Variants in ZBTB7A observed in about 807,000 individuals in gnomAD.
The protein encoded by ZBTB7A is zinc finger and BTB domain containing 7A.
ZBTB7A carries 7 observed loss-of-function variants against 26.7 expected under a neutral mutation model. That is an observed-to-expected ratio of 0.26 (90% CI 0.15 to 0.49). ZBTB7A has a LOEUF of 0.49. ZBTB7A is among the 20% of genes least tolerant of loss of function. The pLI is 0.98. For missense variants in ZBTB7A, 617 were observed against 919.5 expected, an observed-to-expected ratio of 0.67 and a Z score of 4.25; for synonymous variants, 452 against 441.0, an observed-to-expected ratio of 1.02 and a Z score of -0.31.
Position 4,048,419 on chromosome 19 carries a change from G to T in ZBTB7A, c.1263-175C>A, listed in dbSNP as rs1339994274. ...GGTCCCTCGAAAAACGAGACGAGTG[G>T]GGGCGATTTCGCATTCTGAACATCT... On this transcript the variant is annotated intron_variant, in intron 2 of 2. Transcript: ENST00000322357. This position sits in a 1 kb window ranked among gnomAD's most constrained non-coding sequence, Gnocchi z 6.7. Among the ~76,000 whole-genome samples the T allele has an allele frequency of 6.6e-6, 1 of 152,200 alleles. No homozygotes were observed. The highest frequency in any genetic ancestry group is 6.5e-5 in the Admixed American group (1 of 15,276).
rs947253490 is a variant in ZBTB7A, at chr19:4,052,670, G to A, written c.1262+1301C>T. ...AGTCACCCAGCCTGGCCAGGTCCCT[G>A]CCTGCCAGCCCCCTGCCCCCACCGC... On this transcript the variant is annotated intron_variant, in intron 2 of 2. Transcript: ENST00000322357. The surrounding 1 kb of genome is among the most constrained non-coding windows in gnomAD (Gnocchi z 4.9). Among the ~76,000 whole-genome samples, 131 of 152,232 alleles carry A rather than the reference G, an allele frequency of 8.6e-4. 2 individuals are homozygous for A. The highest frequency in any genetic ancestry group is 3.1e-3 in the African/African-American group (128 of 41,540).
In ZBTB7A at chr19:4,046,251, G is replaced by A. The variant is rs1042945448; in HGVS notation, c.*1501C>T. On this transcript the variant is annotated 3_prime_UTR_variant, in exon 3 of 3. Transcript: ENST00000322357. ...TCTGGGGGTGAAGCACAAACACCTC[G>A]GGGCGTCTCCCAGGTCCCCTGCGAT... 5.1e-6 allele frequency: 2 copies of A among 394,856 alleles called. No individual in the cohort carries two copies. Among genetic ancestry groups the A allele is most frequent in the South Asian group, 1.4e-4 (1 of 6,976 alleles). 24.5% of individuals were successfully genotyped at this position (394,856 alleles called of 1,614,324 possible).
intron 1 of ZBTB7A, among the ~76,000 whole-genome samples, chr19:4,061,102 A>G (rs1219151100): frequency 6.6e-6 from 1 of 152,170 alleles, no homozygotes; most frequent in Non-Finnish European, 1.5e-5. Flanking sequence ...TCCATTCAGC[A>G]AACTTAGCCC....
intron 1 of ZBTB7A, among the ~76,000 whole-genome samples, chr19:4,064,677 G>A (rs1191844719): frequency 6.6e-6 from 1 of 152,190 alleles, no homozygotes; most frequent in Admixed American, 6.5e-5. Context: ...GAATCCCCAC[G>A]CCCTCTCCGG....
intron 1 of ZBTB7A, among the ~76,000 whole-genome samples, chr19:4,056,443 G>A (rs1168409289): frequency 6.6e-6 from 1 of 152,220 alleles, no homozygotes; most frequent in African/African-American, 2.4e-5. Context: ...AGGGCACTTT[G>A]AGGCCCGGCT....
intron 2 of ZBTB7A, among the ~76,000 whole-genome samples, chr19:4,053,594 T>C (rs946278125): frequency 4.0e-5 from 6 of 150,766 alleles, no homozygotes; most frequent in Admixed American, 2.6e-4. Flanking sequence ...TGCGTGTGTG[T>C]GCGTGCATGT....
rs975660283 is a variant in ZBTB7A, at chr19:4,046,261, C to T, written c.*1491G>A. The T allele has an allele frequency of 1.5e-5, 6 of 393,680 alleles. No homozygotes were observed. Among genetic ancestry groups the T allele is most frequent in the African/African-American group, 6.2e-5 (3 of 48,460 alleles). The allele number at this position is 393,680 out of a possible 1,614,324, so 24.4% of individuals were successfully genotyped here. A position where few individuals can be genotyped will look rare whatever the true frequency, so the allele number is the denominator to read the frequency against. On this transcript the variant is annotated 3_prime_UTR_variant, in exon 3 of 3. Transcript: ENST00000322357. ...AAGCACAAACACCTCGGGGCGTCTCCCAGGTCCCCTGCGATGGCTTCCTCC... is the reference window on the plus strand; with the variant it reads ...AAGCACAAACACCTCGGGGCGTCTCTCAGGTCCCCTGCGATGGCTTCCTCC...
intron 2 of ZBTB7A, among the ~76,000 whole-genome samples, chr19:4,049,212 A>ATATATATATATAG (rs1396362012): frequency 8.6e-5 from 2 of 23,298 alleles, no homozygotes; most frequent in Non-Finnish European, 1.8e-4. Flanking sequence ...ATATATATGT[A>ATATATATATATAG]AGTTTGAGAG....
At chr19:4,053,833 G>C in intron 2 of ZBTB7A, 138 bp downstream of exon 2, 1 of 977,406 alleles carries the variant, frequency 1.0e-6, no homozygotes. Flanking sequence ...GCGTGTACGT[G>C]TCTGTGTGCA....
chr19:4,047,952 CG>C lies in ZBTB7A; in HGVS notation c.1554del (p.Gly519AlafsTer38). ...GGGGAGCTGGGCTGGGCGGGGGCGC[CG>C]GGGGTCGCGGTGGCCCCCGGGCTGG... is the stretch of plus-strand genomic sequence containing the variant. ...PDPSPGATAT[P>X]GAPAQPSSPD... On this transcript the variant is annotated frameshift_variant, in exon 3 of 3. Transcript: ENST00000322357. LOFTEE classifies it low-confidence loss of function (END_TRUNC). 1.1e-5 allele frequency: 14 copies of C among 1,283,094 alleles called. No homozygotes were observed. In the South Asian group the frequency reaches 1.3e-4, roughly 11 times the overall value. 79.5% of individuals were successfully genotyped at this position (1,283,094 alleles called of 1,614,324 possible).
chr19:4,064,958 G>T (rs1568239406), intron 1 of ZBTB7A, among the ~76,000 whole-genome samples: 1 of 151,906 alleles, frequency 6.6e-6, no homozygotes, highest in Non-Finnish European at 1.5e-5. Flanking sequence ...CCCGGGCAGC[G>T]CCTCCCAGAA....
intron 2 of ZBTB7A, among the ~76,000 whole-genome samples, chr19:4,049,948 G>A (rs1056044298): frequency 2.6e-5 from 4 of 151,822 alleles, no homozygotes; most frequent in South Asian, 4.1e-4. Flanking sequence ...TTCTGAGACC[G>A]AGTCTCGCTC....
rs1332991669 is a variant in ZBTB7A, at chr19:4,045,740, C to G, written c.*2012G>C. On this transcript the variant is annotated 3_prime_UTR_variant, in exon 3 of 3. Coordinates refer to ENST00000322357, the MANE Select transcript of ZBTB7A (RefSeq NM_015898.4). This position sits in a 1 kb window ranked among gnomAD's most constrained non-coding sequence, Gnocchi z 4.1. Reference sequence around the variant, plus strand: ...ATTGCATATGCAAACGGGGTGAGGGCGTCCTGGCATCTGGCGACATAGTCT... The same window carrying G: ...ATTGCATATGCAAACGGGGTGAGGGGGTCCTGGCATCTGGCGACATAGTCT... 1 of 396,504 alleles carries G rather than the reference C, an allele frequency of 2.5e-6. No individual in the cohort carries two copies. The highest frequency in any genetic ancestry group is 2.1e-5 in the African/African-American group (1 of 48,560). 24.6% of individuals were successfully genotyped at this position (396,504 alleles called of 1,614,324 possible). A position where few individuals can be genotyped will look rare whatever the true frequency, so the allele number is the denominator to read the frequency against.
rs1373240899 is a variant in ZBTB7A at position 4,045,442 on chromosome 19, GA to G, written c.*2309del. The G allele has an allele frequency of 6.6e-6, 1 of 151,262 alleles. No homozygotes were observed. Among genetic ancestry groups the G allele is most frequent in the Non-Finnish European group, 1.5e-5 (1 of 67,978 alleles). The allele number at this position is 151,262 out of a possible 1,614,324, so 9.4% of individuals were successfully genotyped here. ...GGTGCTGTCACCCAGCCCCAGGGGA[GA>G]GGGGGGATCCTGAGACATTTGGAGG... On this transcript the variant is annotated 3_prime_UTR_variant, in exon 3 of 3. Transcript: ENST00000322357. This position sits in a 1 kb window ranked among gnomAD's most constrained non-coding sequence, Gnocchi z 4.1.
rs59932757 is a variant in ZBTB7A, at chr19:4,043,454, G to GT, written c.*4297dup. 0.8 allele frequency among the ~76,000 whole-genome samples: 116,750 copies of GT among 145,090 alleles called. 46,836 individuals carry two copies. The highest frequency in any genetic ancestry group is 0.95 in the East Asian group (4,725 of 4,976). ...ACTCCCAAAAAGTGCATTTTTATCA[G>GT]TTTTTTTTTTTTTTAAATCTCCCAC... On this transcript the variant is annotated 3_prime_UTR_variant, in exon 3 of 3. Coordinates refer to ENST00000322357, the MANE Select transcript of ZBTB7A (RefSeq NM_015898.4).
chr19:4,052,166 C>A lies in ZBTB7A; in HGVS notation c.1262+1805G>T, dbSNP rs1191733206. On this transcript the variant is annotated intron_variant, in intron 2 of 2. Transcript: ENST00000322357. The surrounding 1 kb of genome is among the most constrained non-coding windows in gnomAD (Gnocchi z 4.9). ...ATCAGCCCCGGGTCGGGTGGGATAGCCAGCAGTGCCCGAGTCAGAATGAAA... is the reference window on the plus strand; with the variant it reads ...ATCAGCCCCGGGTCGGGTGGGATAGACAGCAGTGCCCGAGTCAGAATGAAA... Among the ~76,000 whole-genome samples, 1 of 152,102 alleles carries A rather than the reference C, an allele frequency of 6.6e-6. No homozygotes were observed. The highest frequency in any genetic ancestry group is 1.9e-4 in the East Asian group (1 of 5,178).
chr19:4,050,069 C>T (rs974819967), intron 2 of ZBTB7A, among the ~76,000 whole-genome samples: 5 of 150,746 alleles, frequency 3.3e-5, no homozygotes, highest in African/African-American at 1.2e-4. Context: ...GATTACAGGC[C>T]CTCTGCCACC....
chr19:4,046,193 G>A lies in ZBTB7A; in HGVS notation c.*1559C>T. 2.5e-6 allele frequency: 1 copy of A among 397,512 alleles called. No homozygotes were observed. Among genetic ancestry groups the A allele is most frequent in the East Asian group, 3.6e-5 (1 of 28,008 alleles). The allele number at this position is 397,512 out of a possible 1,614,324, so 24.6% of individuals were successfully genotyped here. ...AGGGGGAGCGGGGGGAACACAGCACGAACACCCCACAGTCCTGCCTTCGAG... is the reference window on the plus strand; with the variant it reads ...AGGGGGAGCGGGGGGAACACAGCACAAACACCCCACAGTCCTGCCTTCGAG... On this transcript the variant is annotated 3_prime_UTR_variant, in exon 3 of 3. Transcript: ENST00000322357.
In ZBTB7A at chr19:4,054,172, T is replaced by C. The variant is rs1325917259; in HGVS notation, c.1061A>G (p.Lys354Arg). 6.2e-7 allele frequency: 1 copy of C among 1,600,618 alleles called. No individual in the cohort carries two copies. Among genetic ancestry groups the C allele is most frequent in the African/African-American group, 1.3e-5 (1 of 74,982 alleles). ...DDKGVMDYYLKYFSGAHDGDV... is the reference protein window; with the variant it reads ...DDKGVMDYYLRYFSGAHDGDV... ...GCCGTCGTGGGCGCCGCTGAAGTACTTCAGGTAGTAGTCCATGACGCCCTT... is the reference window on the plus strand; with the variant it reads ...GCCGTCGTGGGCGCCGCTGAAGTACCTCAGGTAGTAGTCCATGACGCCCTT... The change falls in exon 2 of 3, where the codon AAG becomes AGG. Residue 354 changes from lysine (K) to arginine (R), a missense_variant. Physicochemically the swap from Lys to Arg is conservative, Grantham distance 26. Transcript: ENST00000322357.
Sources: allele counts gnomAD v4.1 joint callset (sites outside exome capture counted in the v4.1 genomes callset), GRCh38; gene constraint gnomAD v4.1.1; non-coding constraint Gnocchi (gnomAD v3.1); transcripts MANE v1.5; gene names NCBI Gene and HGNC (gene_info 2026-07-23, HGNC 2026-07-21).